The following SLC8A1 variants were observed in gnomAD, a reference collection of about 807,000 sequenced individuals.
The protein encoded by SLC8A1 is sodium/calcium exchanger 1.
In SLC8A1, 18 loss-of-function variants were observed where a neutral mutation model predicts 68.3. The observed-to-expected ratio is 0.26, with a 90% confidence interval of 0.18 to 0.39. SLC8A1 has a LOEUF of 0.39. Ranked by LOEUF, SLC8A1 falls within the 10% of genes least tolerant of loss-of-function variation. The pLI, the probability that SLC8A1 is intolerant of heterozygous loss-of-function variation, is 1.00. For synonymous variants in SLC8A1, 475 were observed against 415.5 expected, an observed-to-expected ratio of 1.14 and a Z score of -1.74; for missense variants, 985 against 1,156.7, an observed-to-expected ratio of 0.85 and a Z score of 2.15.
intron 2 of SLC8A1, among the ~76,000 whole-genome samples, chr2:40,244,624 T>C (rs2061622076): frequency 6.9e-6 from 1 of 144,668 alleles, no homozygotes; most frequent in Admixed American, 7.1e-5. Flanking sequence ...CAGAAAGCAC[T>C]CGTCAATTTT....
chr2:40,284,559 T>C (rs1221505395), intron 2 of SLC8A1, among the ~76,000 whole-genome samples: 1 of 147,346 alleles, frequency 6.8e-6, no homozygotes, highest in East Asian at 1.9e-4. Context: ...TATGTTGTTA[T>C]ATATATTGTT....
intron 2 of SLC8A1, among the ~76,000 whole-genome samples, chr2:40,404,567 T>G (rs575355203): frequency 6.6e-6 from 1 of 152,232 alleles, no homozygotes; most frequent in Non-Finnish European, 1.5e-5. Flanking sequence ...ATTAAACTAA[T>G]GAATCATCAT....
intron 2 of SLC8A1, among the ~76,000 whole-genome samples, chr2:40,229,642 A>G (rs2059402097): frequency 6.6e-6 from 1 of 152,176 alleles, no homozygotes; most frequent in African/African-American, 2.4e-5. Flanking sequence ...AATGTGCATC[A>G]TCTCCACGTT....
intron 2 of SLC8A1, among the ~76,000 whole-genome samples, chr2:40,207,661 G>A (rs1033828707): frequency 1.6e-4 from 24 of 152,058 alleles, no homozygotes; most frequent in South Asian, 6.2e-4. Context: ...AAAAATATGG[G>A]CATAATGTCC....
exon 8 of SLC8A1, chr2:40,104,121 T>C (rs538085846): frequency 7.9e-5 from 12 of 152,162 alleles, no homozygotes; most frequent in Non-Finnish European, 1.8e-4. Context: ...CTGGTGACTT[T>C]TTGATGTTAA....
At chr2:40,293,012 T>A (rs1167407118) in intron 2 of SLC8A1, among the ~76,000 whole-genome samples, 1 of 152,170 alleles carries the variant, frequency 6.6e-6, no homozygotes, top group East Asian at 1.9e-4. Context: ...GCTCCTCATT[T>A]CAGAGGCCTT....
exon 5 of SLC8A1, chr2:40,164,971 GTCA>G: frequency 6.2e-7 from 1 of 1,613,836 alleles, no homozygotes; most frequent in Non-Finnish European, 8.5e-7. Flanking sequence ...GTGGCTGCTT[GTCA>G]TCATATTCGT....
At chr2:40,180,485 A>G (rs976407578) in intron 2 of SLC8A1, among the ~76,000 whole-genome samples, 1 of 152,188 alleles carries the variant, frequency 6.6e-6, no homozygotes, top group Non-Finnish European at 1.5e-5. Flanking sequence ...CAGTCTTGCA[A>G]TCTTAAACTT....
intron 1 of SLC8A1, among the ~76,000 whole-genome samples, chr2:40,448,542 C>T (rs1214679702): frequency 6.6e-6 from 1 of 152,164 alleles, no homozygotes; most frequent in Non-Finnish European, 1.5e-5. Flanking sequence ...ACAGCTAGTA[C>T]AGAAATCCAC....
chr2:40,245,022 T>C (rs900384784), intron 2 of SLC8A1, among the ~76,000 whole-genome samples: 1 of 152,214 alleles, frequency 6.6e-6, no homozygotes, highest in African/African-American at 2.4e-5. Flanking sequence ...TCCTGACTCT[T>C]GAGTTACATA....
chr2:40,149,750 A>G (rs1163482602), intron 6 of SLC8A1, among the ~76,000 whole-genome samples: 3 of 152,174 alleles, frequency 2.0e-5, no homozygotes, highest in Non-Finnish European at 4.4e-5. Flanking sequence ...ATGTGGATAT[A>G]AAACAACTAT....
chr2:40,413,254 A>G (rs1692744147), intron 2 of SLC8A1, among the ~76,000 whole-genome samples: 1 of 152,222 alleles, frequency 6.6e-6, no homozygotes, highest in African/African-American at 2.4e-5. Flanking sequence ...ATTACTGGGT[A>G]TATACCCAAA....
chr2:40,350,510 T>C (rs950640212), intron 2 of SLC8A1, among the ~76,000 whole-genome samples: 6 of 141,878 alleles, frequency 4.2e-5, no homozygotes, highest in Admixed American at 3.0e-4. Context: ...TCAAATGGCA[T>C]TTATCAAATT....
chr2:40,387,363 A>C (rs924212220), intron 2 of SLC8A1, among the ~76,000 whole-genome samples: 3 of 151,476 alleles, frequency 2.0e-5, no homozygotes, highest in African/African-American at 7.4e-5. Context: ...GATATATTCT[A>C]TTCACACAGG....
Position 40,175,243 on chromosome 2 carries a change from A to C in SLC8A1, c.1913-401T>G. 1 of 1,612,038 alleles carries C rather than the reference A, an allele frequency of 6.2e-7. No homozygotes were observed. Among genetic ancestry groups the C allele is most frequent in the South Asian group, 1.1e-5 (1 of 90,882 alleles). ...ATCTAGAAAAATGGAAAGGAAATGC[A>C]AGAAATGAAATGCTTACCAAGCTCA... On this transcript the variant is annotated intron_variant, in intron 3 of 7. Coordinates refer to ENST00000406785, the Ensembl canonical transcript of SLC8A1.
chr2:40,252,899 ATG>A (rs1472958172), intron 2 of SLC8A1, among the ~76,000 whole-genome samples: 9 of 37,052 alleles, frequency 2.4e-4, no homozygotes, highest in Middle Eastern at 0.021. Flanking sequence ...CAAATTTTAT[ATG>A]TATGTATATG....
chr2:40,389,810 T>G (rs1684716057), intron 2 of SLC8A1, among the ~76,000 whole-genome samples: 1 of 150,008 alleles, frequency 6.7e-6, no homozygotes, highest in African/African-American at 2.5e-5. Context: ...TGGGGAAATA[T>G]ATATATGATA....
intron 2 of SLC8A1, among the ~76,000 whole-genome samples, chr2:40,424,020 T>C (rs374327589): frequency 3.3e-5 from 5 of 152,024 alleles, no homozygotes; most frequent in African/African-American, 1.2e-4. Flanking sequence ...CCTAGGAAAA[T>C]TATATGTCAG....
At chr2:40,160,663 G>A in intron 6 of SLC8A1, 102 bp downstream of exon 9, 1 of 943,168 alleles carries the variant, frequency 1.1e-6, no homozygotes, top group Middle Eastern at 2.1e-4. Context: ...ATTTTGCCAT[G>A]GAAGCCCTTT....
Sources: allele counts gnomAD v4.1 joint callset (sites outside exome capture counted in the v4.1 genomes callset), GRCh38; gene constraint gnomAD v4.1.1; transcripts MANE v1.5; gene names NCBI Gene and HGNC (gene_info 2026-07-23, HGNC 2026-07-21).